Variants in RUNX2 observed in about 807,000 individuals in gnomAD.
RUNX2 encodes RUNX family transcription factor 2.
A neutral mutation model predicts 51.7 loss-of-function variants in RUNX2; 10 were observed. The ratio of observed to expected loss-of-function variants is 0.19; its 90% CI spans 0.12 to 0.33. RUNX2 has a LOEUF of 0.33. Among genes scored for constraint, RUNX2 ranks in the 10% least tolerant of loss-of-function variants. The pLI, the probability that RUNX2 is intolerant of heterozygous loss-of-function variation, is 1.00. For synonymous variants in RUNX2, 276 were observed against 273.6 expected (o/e 1.01, Z -0.09); for missense variants, 562 against 691.3 (o/e 0.81, Z 2.10).
At chr6:45,537,846 A>G (rs1802085398) in intron 7 of RUNX2, among the ~76,000 whole-genome samples, 1 of 152,162 alleles carries the variant, frequency 6.6e-6, no homozygotes, top group African/African-American at 2.4e-5. Flanking sequence ...GGGCAGAGGA[A>G]ACTCAAGGGC....
intron 6 of RUNX2, among the ~76,000 whole-genome samples, chr6:45,510,203 T>A (rs938342958): frequency 4.6e-5 from 7 of 152,218 alleles, no homozygotes; most frequent in Non-Finnish European, 8.8e-5. Flanking sequence ...GCCTTGAGAA[T>A]TTTAAGGCAC....
At chr6:45,517,465 C>T (rs1451315645) in intron 7 of RUNX2, among the ~76,000 whole-genome samples, 2 of 152,070 alleles carry the variant, frequency 1.3e-5, no homozygotes. Context: ...CATGAGCCAC[C>T]TCTCCCTGCT....
intron 5 of RUNX2, among the ~76,000 whole-genome samples, chr6:45,450,494 A>G (rs1799136419): frequency 6.6e-6 from 1 of 152,230 alleles, no homozygotes. Flanking sequence ...TGTAGAGAAA[A>G]AAGGCAAGAA....
intron 2 of RUNX2, 96 bp from the exon 3 acceptor site, chr6:45,422,497 C>T (rs973227439): frequency 5.1e-6 from 3 of 585,652 alleles, no homozygotes; most frequent in South Asian, 1.9e-5. Flanking sequence ...CTCGCCTTCA[C>T]CCCCCCAATT....
At chr6:45,500,063 A>G (rs747830195) in intron 6 of RUNX2, among the ~76,000 whole-genome samples, 2 of 152,132 alleles carry the variant, frequency 1.3e-5, no homozygotes, top group Non-Finnish European at 2.9e-5. Context: ...ATTAATGTTG[A>G]AGGAAATATT....
chr6:45,455,865 C>A (rs1018113023), intron 5 of RUNX2, among the ~76,000 whole-genome samples: 1 of 152,110 alleles, frequency 6.6e-6, no homozygotes, highest in Non-Finnish European at 1.5e-5. Flanking sequence ...TCCTGTTAGT[C>A]TTTAATAGCA....
At chr6:45,395,271 A>G (rs960585207) in intron 2 of RUNX2, among the ~76,000 whole-genome samples, 3 of 152,180 alleles carry the variant, frequency 2.0e-5, no homozygotes, top group African/African-American at 4.8e-5. Context: ...TTTACATGTC[A>G]CATTGGAAAC....
intron 7 of RUNX2, among the ~76,000 whole-genome samples, chr6:45,517,040 A>AATTT (rs1801353174): frequency 2.6e-5 from 4 of 152,106 alleles, no homozygotes; most frequent in African/African-American, 9.7e-5. Context: ...TCTTTGGCAT[A>AATTT]ATGAAGTAGA....
rs150215967 is a variant in RUNX2, at chr6:45,426,837, T to G, written c.423+3880T>G. Among the ~76,000 whole-genome samples, 116 of 152,344 alleles carry G rather than the reference T, an allele frequency of 7.6e-4. No individual in the cohort carries two copies. The Middle Eastern group carries it at 0.014, about 18-fold the overall frequency. On this transcript the variant is annotated intron_variant, in intron 3 of 8. Transcript: ENST00000647337. The stretch of plus-strand genomic sequence containing the variant: ...AAATTTTTGGCATCACTAGCCATTT[T>G]TCTCTCTTCGAAAACAAATATACAA...
At chr6:45,531,579 C>T (rs751774827) in intron 7 of RUNX2, among the ~76,000 whole-genome samples, 67 of 152,114 alleles carry the variant, frequency 4.4e-4, no homozygotes, top group Non-Finnish European at 7.4e-4. Context: ...ATGGTGAAAC[C>T]GCATCTCTAC....
At chr6:45,414,742 C>T (rs1291284423) in intron 2 of RUNX2, among the ~76,000 whole-genome samples, 2 of 134,958 alleles carry the variant, frequency 1.5e-5, no homozygotes, top group African/African-American at 5.5e-5. Flanking sequence ...TCTCCACCTT[C>T]CCAGATCCTG....
chr6:45,379,848 G>A (rs1334281552), intron 2 of RUNX2, among the ~76,000 whole-genome samples: 1 of 151,460 alleles, frequency 6.6e-6, no homozygotes, highest in Non-Finnish European at 1.5e-5. Flanking sequence ...CCTGGCAACA[G>A]AACTAGACTC....
At chr6:45,434,928 T>C (rs1177384213) in intron 4 of RUNX2, among the ~76,000 whole-genome samples, 2 of 152,200 alleles carry the variant, frequency 1.3e-5, no homozygotes. Flanking sequence ...ATTATTATTA[T>C]AGGATGAAGA....
chr6:45,526,447 C>T (rs546149141), intron 7 of RUNX2, among the ~76,000 whole-genome samples: 61 of 152,202 alleles, frequency 4.0e-4, no homozygotes, highest in South Asian at 1.2e-3. Context: ...TTAAAACAGA[C>T]GAATTCTGTT....
chr6:45,457,154 A>G (rs1799339647), intron 5 of RUNX2, among the ~76,000 whole-genome samples: 1 of 152,208 alleles, frequency 6.6e-6, no homozygotes, highest in Non-Finnish European at 1.5e-5. Context: ...GGGGTTACAT[A>G]GTTGTAGTTT....
chr6:45,436,088 G>C (rs1798676538), intron 4 of RUNX2, among the ~76,000 whole-genome samples: 1 of 152,098 alleles, frequency 6.6e-6, no homozygotes, highest in African/African-American at 2.4e-5. Flanking sequence ...TTAAATCCGT[G>C]TAATAGCCAA....
In RUNX2 at chr6:45,458,034, T is replaced by C. The variant is rs1799366165; in HGVS notation, c.685+19983T>C. Among the ~76,000 whole-genome samples, 3 of 151,660 alleles carry C rather than the reference T, an allele frequency of 2.0e-5. No individual in the cohort carries two copies. In the South Asian group the frequency reaches 6.3e-4, roughly 32 times the overall value. On this transcript the variant is annotated intron_variant, in intron 5 of 8. Transcript: ENST00000647337. ...ATTCTGGGATAGGATTTTTTTTTTT[T>C]TTTTGACAGAGTTTCACTCTTGTTG...
chr6:45,457,905 T>G (rs1262049437), intron 5 of RUNX2, among the ~76,000 whole-genome samples: 1 of 152,146 alleles, frequency 6.6e-6, no homozygotes, highest in Non-Finnish European at 1.5e-5. Context: ...TAAAATGCAT[T>G]TGTCTGGTTA....
At chr6:45,336,361 G>A (rs1788552444) in intron 2 of RUNX2, among the ~76,000 whole-genome samples, 1 of 151,230 alleles carries the variant, frequency 6.6e-6, no homozygotes, top group South Asian at 2.1e-4. Context: ...TACACCAATA[G>A]GACTAGAGAA....
Sources: gnomAD v4.1 joint callset for allele counts (sites outside exome capture counted in the v4.1 genomes callset) on GRCh38, gnomAD v4.1.1 for gene constraint, MANE v1.5 for transcripts, NCBI Gene and HGNC (gene_info 2026-07-23, HGNC 2026-07-21) for gene names.